ACHE: variants seen among roughly 807,000 people sequenced by gnomAD.
ACHE encodes acetylcholinesterase (Yt blood group), also known as acetylcholinesterase.
A neutral mutation model predicts 53.9 loss-of-function variants in ACHE; 19 were observed. That is an observed-to-expected ratio of 0.35 (90% CI 0.25 to 0.52). The LOEUF is 0.52. Among genes scored for constraint, ACHE ranks in the 20% least tolerant of loss-of-function variants. The probability of loss-of-function intolerance (pLI) is 0.95; values close to 1 mark genes in which losing one functional copy is unlikely to be tolerated. For synonymous variants in ACHE, 392 were observed against 378.1 expected, an observed-to-expected ratio of 1.04 and a Z score of -0.43; for missense variants, 605 against 849.4, an observed-to-expected ratio of 0.71 and a Z score of 3.58.
chr7:100,893,890 C>T lies in ACHE; in HGVS notation c.343G>A (p.Glu115Lys), dbSNP rs1311705165. The change falls in exon 2 of 5, where the codon GAG becomes AAG. Residue 115 changes from glutamate (E) to lysine (K), a missense_variant. Glu to Lys is a moderately conservative substitution (Grantham distance 56). Around this residue, in one of 4 missense-constraint regions of ACHE, gnomAD observed 397 missense variants for 632.5 expected, o/e 0.63. Coordinates refer to ENST00000241069, the MANE Select transcript of ACHE (RefSeq NM_000665.5). ...DTLYPGFEGT[E>K]MWNPNRELSE... ...AGCTCACGGTTGGGGTTCCACATCT[C>T]GGTGCCCTCAAAACCTGGGTATAGG... is the stretch of plus-strand genomic sequence containing the variant. 1.3e-6 allele frequency: 2 copies of T among 1,598,862 alleles called. No homozygotes were observed. The highest frequency in any genetic ancestry group is 1.7e-5 in the Admixed American group (1 of 58,044).
chr7:100,890,931 C>T, intron 4 of ACHE: 1 of 1,472,466 alleles, frequency 6.8e-7, no homozygotes, highest in Non-Finnish European at 9.0e-7. Context: ...GGAGGGGCCC[C>T]TGTGGCCGTA....
rs974994109 is a variant in ACHE at position 100,893,675 on chromosome 7, G to A, written c.558C>T (p.Ala186=). The change falls in exon 2 of 5, where the codon GCC becomes GCT. Residue 186 remains alanine (A), a synonymous_variant. Transcript: ENST00000241069. The part of the protein sequence containing the change: ...VLVSMNYRVG[A]FGFLALPGSR... Reference sequence around the variant, plus strand: ...TCCCCGGCAGGGCCAGGAAGCCAAAGGCTCCCACCCGGTAGTTCATGGACA... The same window carrying A: ...TCCCCGGCAGGGCCAGGAAGCCAAAAGCTCCCACCCGGTAGTTCATGGACA... 6.2e-7 allele frequency: 1 copy of A among 1,613,356 alleles called. No homozygotes were observed. The highest frequency in any genetic ancestry group is 2.2e-5 in the East Asian group (1 of 44,874).
Position 100,892,332 on chromosome 7 carries a change from A to G in ACHE, c.1553+2T>C. 1 of 1,510,372 alleles carries G rather than the reference A, an allele frequency of 6.6e-7. No individual in the cohort carries two copies. Among genetic ancestry groups the G allele is most frequent in the Non-Finnish European group, 8.9e-7 (1 of 1,127,876 alleles). 93.6% of individuals were successfully genotyped at this position (1,510,372 alleles called of 1,614,324 possible). On this transcript the variant is annotated splice_donor_variant, in intron 3 of 4. Coordinates refer to ENST00000241069, the MANE Select transcript of ACHE (RefSeq NM_000665.5). LOFTEE classifies it high-confidence loss of function. This position sits in a 1 kb window ranked among gnomAD's most constrained non-coding sequence, Gnocchi z 5.2. ...AGCCTTCTCTCCCTCTGCACTGCTG[A>G]CCCTGTGCGGGCAAAGTTGGCCCAG...
At position 100,892,646 on chromosome 7, in the gene ACHE, G is replaced by A. The variant is rs1288298234; in HGVS notation, c.1241C>T (p.Thr414Ile). The part of the protein sequence containing the change: ...LAAEAVVLHY[T>I]DWLHPEDPAR... Reference sequence around the variant, plus strand: ...CGGGTCCTCGGGATGCAGCCAGTCTGTGTAATGCAGGACCACAGCCTCGGC... The same window carrying A: ...CGGGTCCTCGGGATGCAGCCAGTCTATGTAATGCAGGACCACAGCCTCGGC... Residue 414 changes from threonine (T) to isoleucine (I), a missense_variant, in exon 3 of 5, where the codon ACA becomes ATA. Physicochemically the swap from Thr to Ile is moderately conservative, Grantham distance 89. Transcript: ENST00000241069. This position sits in a 1 kb window ranked among gnomAD's most constrained non-coding sequence, Gnocchi z 5.2. 6.2e-7 allele frequency: 1 copy of A among 1,613,550 alleles called. No homozygotes were observed. The highest frequency in any genetic ancestry group is 1.7e-5 in the Admixed American group (1 of 59,992).
Position 100,891,178 on chromosome 7 carries a change from T to C in ACHE, c.1714A>G (p.Ser572Gly), listed in dbSNP as rs778251084. The stretch of plus-strand genomic sequence containing the variant: ...GCTGGCCCCTGCATACCGGTGGCGC[T>C]GAGCAATTTGGGGAGGAAGCGGTTC... The part of the protein sequence containing the change: ...FWNRFLPKLL[S>G]ATDTLDEAER... Residue 572 changes from serine to glycine, a missense_variant, in exon 4 of 5, where the codon AGC becomes GGC. Physicochemically the swap from Ser to Gly is moderately conservative, Grantham distance 56. Transcript: ENST00000241069. 1 of 1,606,220 alleles carries C rather than the reference T, an allele frequency of 6.2e-7. No individual in the cohort carries two copies. Among genetic ancestry groups the C allele is most frequent in the South Asian group, 1.1e-5 (1 of 90,354 alleles).
chr7:100,891,198 C>T lies in ACHE; in HGVS notation c.1694G>A (p.Arg565His). 6.2e-7 allele frequency: 1 copy of T among 1,609,496 alleles called. No homozygotes were observed. The highest frequency in any genetic ancestry group is 8.5e-7 in the Non-Finnish European group (1 of 1,178,758). ...GGCGCTGAGCAATTTGGGGAGGAAGCGGTTCCAGAAGGCGCAGGCCTGGGC... is the reference window on the plus strand; with the variant it reads ...GGCGCTGAGCAATTTGGGGAGGAAGTGGTTCCAGAAGGCGCAGGCCTGGGC... ...LRAQACAFWNRFLPKLLSATD... is the reference protein window; with the variant it reads ...LRAQACAFWNHFLPKLLSATD... Residue 565 changes from arginine to histidine, a missense_variant, in exon 4 of 5, where the codon CGC becomes CAC. By Grantham distance (29) the Arg-to-His change is conservative. Coordinates refer to ENST00000241069, the MANE Select transcript of ACHE (RefSeq NM_000665.5).
At position 100,892,186 on chromosome 7, in the gene ACHE, T is replaced by TGGGA. The variant is rs1790739692; in HGVS notation, c.1553+147_1553+148insTCCC. ...GTCTCCTTTCTTTTTCTCTCCCCTT[T>TGGGA]TATCTACTTTGTGAGCATATCCCTC... On this transcript the variant is annotated intron_variant, in intron 3 of 4. Transcript: ENST00000241069. The surrounding 1 kb of genome is among the most constrained non-coding windows in gnomAD (Gnocchi z 5.2). 2 of 1,033,344 alleles carry TGGGA rather than the reference T, an allele frequency of 1.9e-6. No individual in the cohort carries two copies. The highest frequency in any genetic ancestry group is 2.5e-6 in the Non-Finnish European group (2 of 787,984). 64.0% of individuals were successfully genotyped at this position (1,033,344 alleles called of 1,614,324 possible).
intron 1 of ACHE, 66 bp from the exon 2 acceptor site, chr7:100,894,318 G>T: frequency 8.4e-7 from 1 of 1,193,622 alleles, no homozygotes; most frequent in East Asian, 2.8e-5. Flanking sequence ...GGAGATTAGG[G>T]CACTGTCGGC....
In ACHE at chr7:100,893,605, C is replaced by A. The variant is rs771566026; in HGVS notation, c.628G>T (p.Ala210Ser). Residue 210 changes from alanine to serine, a missense_variant, in exon 2 of 5, where the codon GCC becomes TCC. Coordinates refer to ENST00000241069, the MANE Select transcript of ACHE (RefSeq NM_000665.5). ...GNVGLLDQRL[A>S]LQWVQENVAA... The stretch of plus-strand genomic sequence containing the variant: ...ACGTTCTCCTGCACCCACTGCAGGG[C>A]CAGCCTCTGATCCAGGAGACCCACA... The A allele has an allele frequency of 2.5e-6, 4 of 1,612,782 alleles. No homozygotes were observed. The highest frequency in any genetic ancestry group is 1.7e-5 in the Admixed American group (1 of 60,004).
chr7:100,890,682 G>A, intron 4 of ACHE: 1 of 1,322,604 alleles, frequency 7.6e-7, no homozygotes, highest in South Asian at 2.2e-5. Flanking sequence ...ACCCCGTCCG[G>A]GGCCTCCCAC....
At position 100,893,470 on chromosome 7, in the gene ACHE, T is replaced by G; in HGVS notation, c.763A>C (p.Arg255=). The G allele has an allele frequency of 6.2e-7, 1 of 1,607,830 alleles. No individual in the cohort carries two copies. Among genetic ancestry groups the G allele is most frequent in the South Asian group, 1.1e-5 (1 of 91,010 alleles). Reference sequence around the variant, plus strand: ...GGGGCACCGCTCTGCAGCACGGCCCTGTGGAACAGGCCCCGGCTGGGCGGG... The same window carrying G: ...GGGGCACCGCTCTGCAGCACGGCCCGGTGGAACAGGCCCCGGCTGGGCGGG... ...LSPPSRGLFH[R]AVLQSGAPNG... Residue 255 remains arginine, a synonymous_variant, in exon 2 of 5, where the codon AGG becomes CGG. Coordinates refer to ENST00000241069, the MANE Select transcript of ACHE (RefSeq NM_000665.5).
At position 100,893,570 on chromosome 7, in the gene ACHE, G is replaced by A. The variant is rs370014455; in HGVS notation, c.663C>T (p.Phe221=). ...GCGTCACTGATGTCGGGTCACCCCCGAAGGCTGCCACGTTCTCCTGCACCC... is the reference window on the plus strand; with the variant it reads ...GCGTCACTGATGTCGGGTCACCCCCAAAGGCTGCCACGTTCTCCTGCACCC... ...LQWVQENVAA[F]GGDPTSVTLF... Residue 221 remains phenylalanine (F), a synonymous_variant, in exon 2 of 5, where the codon TTC becomes TTT. Transcript: ENST00000241069. 10 of 1,611,968 alleles carry A rather than the reference G, an allele frequency of 6.2e-6. No individual in the cohort carries two copies. The highest frequency in any genetic ancestry group is 3.3e-5 in the South Asian group (3 of 91,078).
chr7:100,895,970 C>T (rs2116038434), upstream of ACHE: 1 of 149,718 alleles, frequency 6.7e-6, no homozygotes, highest in Admixed American at 6.6e-5. Flanking sequence ...GTCTCCGCCC[C>T]CGCCCCTCCC....
At chr7:100,893,036 C>G in intron 2 of ACHE, 129 bp downstream of exon 2, 1 of 1,235,430 alleles carries the variant, frequency 8.1e-7, no homozygotes, top group South Asian at 1.5e-5. Context: ...GGATCTGAGC[C>G]CTCAGGGAGG....
At position 100,895,843 on chromosome 7, in the gene ACHE, C is replaced by G. The variant is rs1476334010; in HGVS notation, c.-62G>C. 6.6e-6 allele frequency: 1 copy of G among 152,194 alleles called. No individual in the cohort carries two copies. Among genetic ancestry groups the G allele is most frequent in the African/African-American group, 2.4e-5 (1 of 41,510 alleles). 9.4% of individuals were successfully genotyped at this position (152,194 alleles called of 1,614,324 possible). ...GGGCCGGGCCGGGCCGCGCCGGGAGCTGGAGGCGGCCGATGTTCCCCGGCG... is the reference window on the plus strand; with the variant it reads ...GGGCCGGGCCGGGCCGCGCCGGGAGGTGGAGGCGGCCGATGTTCCCCGGCG... On this transcript the variant is annotated 5_prime_UTR_variant, in exon 1 of 5. Coordinates refer to ENST00000241069, the MANE Select transcript of ACHE (RefSeq NM_000665.5).
rs995417855 is a variant in ACHE, at chr7:100,894,272, G to C, written c.-20-20C>G. 1 of 1,413,268 alleles carries C rather than the reference G, an allele frequency of 7.1e-7. No individual in the cohort carries two copies. The highest frequency in any genetic ancestry group is 3.1e-5 in the Admixed American group (1 of 32,504). The allele number at this position is 1,413,268 out of a possible 1,614,324, so 87.5% of individuals were successfully genotyped here. ...CGGCGTCTGCTGGGAGAAAGAAAGGGAAAGGGTGAAGGGTCGGTCGAGAAG... is the reference window on the plus strand; with the variant it reads ...CGGCGTCTGCTGGGAGAAAGAAAGGCAAAGGGTGAAGGGTCGGTCGAGAAG... On this transcript the variant is annotated intron_variant, in intron 1 of 4. Transcript: ENST00000241069.
Position 100,892,850 on chromosome 7 carries a change from G to A in ACHE, c.1069-32C>T, listed in dbSNP as rs372116450. On this transcript the variant is annotated intron_variant, in intron 2 of 4. Transcript: ENST00000241069. The surrounding 1 kb of genome is among the most constrained non-coding windows in gnomAD (Gnocchi z 5.2). ...GTGAGGGAGAGGGGGGTGGGATGGA[G>A]CGACAGGCACAGACAGACAAGTAGA... is the stretch of plus-strand genomic sequence containing the variant. The A allele has an allele frequency of 6.5e-7, 1 of 1,532,382 alleles. No individual in the cohort carries two copies. Among genetic ancestry groups the A allele is most frequent in the Non-Finnish European group, 8.8e-7 (1 of 1,141,780 alleles). 94.9% of individuals were successfully genotyped at this position (1,532,382 alleles called of 1,614,324 possible). A position where few individuals can be genotyped will look rare whatever the true frequency, so the allele number is the denominator to read the frequency against.
chr7:100,891,579 G>A (rs1339536370), intron 3 of ACHE, among the ~76,000 whole-genome samples: 1 of 152,078 alleles, frequency 6.6e-6, no homozygotes, highest in Admixed American at 6.6e-5. Flanking sequence ...AAATGGCTAG[G>A]ATGTCTTGAG....
At chr7:100,894,387 A>AGAGG (rs991475266) in intron 1 of ACHE, 135 bp from the exon 2 acceptor site, 1 of 506,246 alleles carries the variant, frequency 2.0e-6, no homozygotes, top group African/African-American at 2.0e-5. Flanking sequence ...ATGAGGGGAG[A>AGAGG]GAGGGAGGGA....
Sources: allele counts gnomAD v4.1 joint callset (sites outside exome capture counted in the v4.1 genomes callset), GRCh38; gene constraint gnomAD v4.1.1; regional missense constraint gnomAD v4.1.1; non-coding constraint Gnocchi (gnomAD v3.1); transcripts MANE v1.5; gene names NCBI Gene and HGNC (gene_info 2026-07-23, HGNC 2026-07-21).